SORCS2: variants seen among roughly 807,000 people sequenced by gnomAD.
SORCS2 encodes the protein VPS10 domain-containing receptor SorCS2.
SORCS2 carries 100 observed loss-of-function variants against 141.6 expected under a neutral mutation model. The ratio of observed to expected loss-of-function variants is 0.71; its 90% CI spans 0.60 to 0.83. The LOEUF (loss-of-function observed/expected upper bound fraction) is 0.83, where lower values mean the gene tolerates loss of function less well. Ranked by LOEUF, SORCS2 falls within the 40% of genes least tolerant of loss-of-function variation. The pLI is 0.00. For missense variants in SORCS2, 1,646 were observed against 1,560.2 expected (o/e 1.05, Z -0.93); for synonymous variants, 789 against 676.9 (o/e 1.17, Z -2.57).
At chr4:7,208,188 C>T (rs1193245363) in intron 1 of SORCS2, among the ~76,000 whole-genome samples, 1 of 152,036 alleles carries the variant, frequency 6.6e-6, no homozygotes, top group Non-Finnish European at 1.5e-5. Context: ...CCCCCTGGGA[C>T]ATGCAGAAGG....
At chr4:7,455,552 G>T (rs1255241835) in intron 2 of SORCS2, among the ~76,000 whole-genome samples, 1 of 147,348 alleles carries the variant, frequency 6.8e-6, no homozygotes. Flanking sequence ...CCACGTTAGG[G>T]TCAGGCACTG....
At chr4:7,538,401 G>C (rs528269440) in intron 3 of SORCS2, among the ~76,000 whole-genome samples, 2 of 152,172 alleles carry the variant, frequency 1.3e-5, no homozygotes, top group Non-Finnish European at 2.9e-5. Context: ...GATCAGCTTC[G>C]GGCCGACAGC....
At chr4:7,580,450 A>AC (rs1215690376) in intron 3 of SORCS2, among the ~76,000 whole-genome samples, 3 of 152,066 alleles carry the variant, frequency 2.0e-5, no homozygotes, top group African/African-American at 7.2e-5. Flanking sequence ...AGATCATGCC[A>AC]CCACACTCCA....
At chr4:7,640,144 AGTGT>A (rs1373636282) in intron 4 of SORCS2, among the ~76,000 whole-genome samples, 2 of 150,296 alleles carry the variant, frequency 1.3e-5, no homozygotes, top group South Asian at 2.1e-4. Flanking sequence ...AGTGTACATG[AGTGT>A]GTGGTGTGTA....
intron 1 of SORCS2, among the ~76,000 whole-genome samples, chr4:7,253,948 A>G (rs1456869391): frequency 6.6e-6 from 1 of 152,260 alleles, no homozygotes; most frequent in Non-Finnish European, 1.5e-5. Flanking sequence ...TTCATCAGAG[A>G]AATCCAAATC....
At chr4:7,241,220 T>C (rs998028584) in intron 1 of SORCS2, among the ~76,000 whole-genome samples, 1 of 152,186 alleles carries the variant, frequency 6.6e-6, no homozygotes, top group African/African-American at 2.4e-5. Flanking sequence ...ATTACAGGCA[T>C]GAGCCACCTC....
intron 2 of SORCS2, among the ~76,000 whole-genome samples, chr4:7,506,963 G>T (rs567623511): frequency 3.3e-4 from 50 of 151,742 alleles, no homozygotes; most frequent in African/African-American, 1.1e-3. Context: ...AAGGTCAGCT[G>T]GTTTTTACTA....
At chr4:7,265,696 G>T (rs76813279) in intron 1 of SORCS2, among the ~76,000 whole-genome samples, 2,469 of 152,266 alleles carry the variant, frequency 0.016, 72 homozygotes, top group African/African-American at 0.056. Context: ...TGGCTTTAGG[G>T]CCGCCCAGTG....
chr4:7,609,039 G>A (rs912119453), intron 3 of SORCS2, among the ~76,000 whole-genome samples: 10 of 152,050 alleles, frequency 6.6e-5, no homozygotes, highest in African/African-American at 2.4e-4. Flanking sequence ...CGGTCCTGGG[G>A]AGTCTCAGGC....
At chr4:7,273,265 A>G (rs1715261664) in intron 1 of SORCS2, among the ~76,000 whole-genome samples, 1 of 152,228 alleles carries the variant, frequency 6.6e-6, no homozygotes, top group Non-Finnish European at 1.5e-5. Context: ...GGATCTGTCA[A>G]TGGAAGGCTG....
intron 1 of SORCS2, among the ~76,000 whole-genome samples, chr4:7,236,156 T>C (rs892234022): frequency 1.3e-5 from 2 of 152,212 alleles, no homozygotes; most frequent in Non-Finnish European, 2.9e-5. Context: ...CATTCATGTA[T>C]GTGAGTGTGA....
intron 26 of SORCS2, among the ~76,000 whole-genome samples, chr4:7,739,512 C>T (rs557846680): frequency 1.8e-4 from 27 of 152,330 alleles, no homozygotes; most frequent in African/African-American, 6.5e-4. Flanking sequence ...GCCAATGCAG[C>T]AGCCGCACTT....
intron 1 of SORCS2, among the ~76,000 whole-genome samples, chr4:7,245,183 G>A (rs995274858): frequency 6.6e-6 from 1 of 152,174 alleles, no homozygotes; most frequent in African/African-American, 2.4e-5. Flanking sequence ...GGTCCCTTCT[G>A]GTCCCAGTCA....
At chr4:7,570,792 G>T (rs1715338489) in intron 3 of SORCS2, among the ~76,000 whole-genome samples, 1 of 152,182 alleles carries the variant, frequency 6.6e-6, no homozygotes, top group Non-Finnish European at 1.5e-5. Flanking sequence ...TTTAATCAGT[G>T]CCCGAAGCCA....
rs114383336 is a variant in SORCS2 at position 7,692,405 on chromosome 4, C to T, written c.1591+2817C>T. On this transcript the variant is annotated intron_variant, in intron 11 of 26. Transcript: ENST00000507866. ...TCCCAGCTGTAGGACTCTGAGATTT[C>T]ACTGCACTTCTCTGAGCCTCAGTTT... Among the ~76,000 whole-genome samples the T allele has an allele frequency of 2.1e-3, 314 of 152,304 alleles. 2 individuals are homozygous for T. The highest frequency in any genetic ancestry group is 7.2e-3 in the African/African-American group (301 of 41,582).
At chr4:7,484,321 T>C (rs1245743739) in intron 2 of SORCS2, among the ~76,000 whole-genome samples, 1 of 152,354 alleles carries the variant, frequency 6.6e-6, no homozygotes, top group East Asian at 1.9e-4. Flanking sequence ...CACCCGACTT[T>C]TACATTTTCA....
intron 2 of SORCS2, among the ~76,000 whole-genome samples, chr4:7,455,834 C>G (rs929717761): frequency 1.3e-5 from 2 of 152,168 alleles, no homozygotes; most frequent in African/African-American, 2.4e-5. Context: ...GGGTCATGCT[C>G]TGTACTGGGT....
chr4:7,673,139 T>C (rs533986223), intron 8 of SORCS2, among the ~76,000 whole-genome samples: 1 of 152,336 alleles, frequency 6.6e-6, no homozygotes, highest in African/African-American at 2.4e-5. Context: ...TATTTATAAC[T>C]CTAATCAGCA....
chr4:7,453,517 C>T (rs1270882042), intron 2 of SORCS2, among the ~76,000 whole-genome samples: 2 of 111,468 alleles, frequency 1.8e-5, no homozygotes, highest in Non-Finnish European at 1.7e-5. Flanking sequence ...TCATGCGCCA[C>T]GTTAGGGTCA....
Sources: allele counts gnomAD v4.1 joint callset (sites outside exome capture counted in the v4.1 genomes callset), GRCh38; gene constraint gnomAD v4.1.1; transcripts MANE v1.5; gene names NCBI Gene and HGNC (gene_info 2026-07-23, HGNC 2026-07-21).